SHF: variants seen among roughly 807,000 people sequenced by gnomAD.
SHF encodes SH2 domain-containing adapter protein F.
SHF carries 30 observed loss-of-function variants against 42.4 expected under a neutral mutation model. The ratio of observed to expected loss-of-function variants is 0.71; its 90% CI spans 0.53 to 0.96. SHF has a LOEUF of 0.96. Among genes scored for constraint, SHF ranks in the 40% least tolerant of loss-of-function variants. SHF has a pLI of 0.00. For missense variants in SHF, 598 were observed against 634.0 expected, an observed-to-expected ratio of 0.94 and a Z score of 0.61; for synonymous variants, 264 against 269.9, an observed-to-expected ratio of 0.98 and a Z score of 0.21.
At chr15:45,182,184 G>A (rs1000961627) in intron 1 of SHF, among the ~76,000 whole-genome samples, 10 of 152,168 alleles carry the variant, frequency 6.6e-5, no homozygotes, top group South Asian at 2.1e-4. Flanking sequence ...CCCCCACCAC[G>A]GGGCTCCAGA....
intron 6 of SHF, chr15:45,170,721 G>A (rs1230379660): frequency 3.9e-6 from 1 of 254,810 alleles, no homozygotes; most frequent in South Asian, 3.8e-5. Flanking sequence ...GCGCAATATC[G>A]GCTCACTGCA....
In SHF at chr15:45,168,087, G is replaced by C; in HGVS notation, c.1327C>G (p.His443Asp). 6.2e-7 allele frequency: 1 copy of C among 1,611,236 alleles called. No individual in the cohort carries two copies. Among genetic ancestry groups the C allele is most frequent in the Middle Eastern group, 1.7e-4 (1 of 6,056 alleles). The change falls in exon 7 of 7, where the codon CAC becomes GAC. Residue 443 changes from histidine to aspartate, a missense_variant. By Grantham distance (81) the His-to-Asp change is moderately conservative. Around this residue, in one of 2 missense-constraint regions of SHF, gnomAD observed 439 missense variants for 524.6 expected, o/e 0.84. Coordinates refer to ENST00000690270, the MANE Select transcript of SHF (RefSeq NM_001394037.1). The part of the protein sequence containing the change: ...MHMKLSRTKE[H>D]KYVLGQNSPP... The stretch of plus-strand genomic sequence containing the variant: ...CTGTTCTGGCCCAGCACATATTTGT[G>C]TTCCTTGGTTCGGGACAGCTTCATG...
rs758139993 is a variant in SHF at position 45,178,221 on chromosome 15, T to A, written c.584A>T (p.Lys195Met). The A allele has an allele frequency of 3.7e-6, 6 of 1,613,792 alleles. No homozygotes were observed. In the African/African-American group the frequency reaches 8.0e-5, roughly 22 times the overall value. Residue 195 changes from lysine to methionine, a missense_variant, in exon 2 of 7, where the codon AAG (lysine) becomes ATG (methionine). By Grantham distance (95) the Lys-to-Met change is moderately conservative. Coordinates refer to ENST00000690270, the MANE Select transcript of SHF (RefSeq NM_001394037.1). The stretch of plus-strand genomic sequence containing the variant: ...CATGTAGCCATCATTTTCAGGGACC[T>A]TCTCTGGGGCTCCTGAAGCTCCTGC... Reference protein sequence around the residue: ...GSAGASGAPEKVPENDGYMEP... With the variant: ...GSAGASGAPEMVPENDGYMEP...
At chr15:45,198,824 C>T (rs1898968807) in exon 2 of SHF, 16 of 1,613,988 alleles carry the variant, frequency 9.9e-6, no homozygotes, top group Non-Finnish European at 1.4e-5. Flanking sequence ...GCGCGTTGTA[C>T]TCCGCCAGTT....
intron 1 of SHF, among the ~76,000 whole-genome samples, chr15:45,184,764 C>G (rs1040081303): frequency 6.6e-6 from 1 of 152,262 alleles, no homozygotes; most frequent in Non-Finnish European, 1.5e-5. Flanking sequence ...CAGAGCATGG[C>G]CTGGGGGCCA....
At chr15:45,199,060 T>A in exon 2 of SHF, 1 of 1,592,576 alleles carries the variant, frequency 6.3e-7, no homozygotes, top group Non-Finnish European at 8.6e-7. Context: ...TCACGGGTCC[T>A]CCCTCCTGCT....
Position 45,187,552 on chromosome 15 carries a change from C to A in SHF, c.400G>T (p.Gly134Cys). 8.1e-7 allele frequency: 1 copy of A among 1,228,324 alleles called. No homozygotes were observed. Among genetic ancestry groups the A allele is most frequent in the East Asian group, 3.2e-5 (1 of 31,568 alleles). 76.1% of individuals were successfully genotyped at this position (1,228,324 alleles called of 1,614,324 possible). The change falls in exon 1 of 7, where the codon GGC becomes TGC. Residue 134 changes from glycine (G) to cysteine (C), a missense_variant. Coordinates refer to ENST00000690270, the MANE Select transcript of SHF (RefSeq NM_001394037.1). The stretch of plus-strand genomic sequence containing the variant: ...CGAATAAGGCGGTGTGGGGGAGAGC[C>A]GTGGCGCGGGGGCGGCGTGGGTCCG... ...APGPTPPPRHGSPPHRLIRVE... is the reference protein window; with the variant it reads ...APGPTPPPRHCSPPHRLIRVE...
At chr15:45,174,894 A>G (rs2292468) in intron 3 of SHF, among the ~76,000 whole-genome samples, 72,884 of 151,958 alleles carry the variant, frequency 0.48, 17,897 homozygotes, top group East Asian at 0.75. Flanking sequence ...AACATATGTC[A>G]CGAGTTTCAT....
intron 2 of SHF, among the ~76,000 whole-genome samples, chr15:45,193,110 C>G (rs1230821868): frequency 1.3e-5 from 2 of 152,164 alleles, no homozygotes; most frequent in African/African-American, 4.8e-5. Flanking sequence ...TGTTTTATCC[C>G]CCACATTGAT....
At chr15:45,175,501 A>G in intron 2 of SHF, 76 bp from the exon 3 acceptor site, 1 of 1,459,316 alleles carries the variant, frequency 6.9e-7, no homozygotes, top group Admixed American at 2.1e-5. Flanking sequence ...AATGCTTCTC[A>G]GCAACAAGCC....
upstream of SHF, among the ~76,000 whole-genome samples, chr15:45,188,220 A>C (rs1344916584): frequency 6.6e-6 from 1 of 152,062 alleles, no homozygotes; most frequent in African/African-American, 2.4e-5. Flanking sequence ...TGAATCCTTT[A>C]CGTGTCGCCA....
chr15:45,174,919 A>G (rs1897717265), intron 3 of SHF, among the ~76,000 whole-genome samples: 1 of 152,138 alleles, frequency 6.6e-6, no homozygotes. Flanking sequence ...TTGTTTTGGA[A>G]TTTATTTTTA....
At chr15:45,168,501 C>A (rs1409437093) in intron 6 of SHF, among the ~76,000 whole-genome samples, 5 of 152,196 alleles carry the variant, frequency 3.3e-5, no homozygotes, top group African/African-American at 1.2e-4. Context: ...TTTAACCTCA[C>A]CTTTCTTGAG....
At chr15:45,181,957 A>G (rs752757488) in intron 1 of SHF, among the ~76,000 whole-genome samples, 24 of 152,230 alleles carry the variant, frequency 1.6e-4, no homozygotes, top group Admixed American at 3.3e-4. Context: ...TAAAGTAGCT[A>G]CTACCCAGAG....
At chr15:45,172,436 C>T in intron 4 of SHF, 118 bp from the exon 5 acceptor site, 2 of 1,165,018 alleles carry the variant, frequency 1.7e-6, no homozygotes, top group South Asian at 1.6e-5. Context: ...CAAAGGAATG[C>T]TCTAGGAGGG....
intron 1 of SHF, among the ~76,000 whole-genome samples, chr15:45,180,141 A>C (rs1898051252): frequency 6.6e-6 from 1 of 152,148 alleles, no homozygotes; most frequent in Non-Finnish European, 1.5e-5. Flanking sequence ...TGGACTATTC[A>C]TATCTGGAGC....
chr15:45,168,263 T>A (rs1773736528), intron 6 of SHF, 130 bp from the exon 7 acceptor site: 1 of 893,422 alleles, frequency 1.1e-6, no homozygotes, highest in Non-Finnish European at 1.7e-6. Context: ...GACAGGTGAT[T>A]AGGGGAGGTG....
chr15:45,171,185 ACTC>A (rs1175087783), intron 6 of SHF: 2 of 153,294 alleles, frequency 1.3e-5, no homozygotes, highest in Non-Finnish European at 2.9e-5. Flanking sequence ...ACCAGGCAGA[ACTC>A]CTGGTTGCCC....
In SHF at chr15:45,167,690, G is replaced by A. The variant is rs1897294901; in HGVS notation, c.*257C>T. 6.1e-6 allele frequency: 2 copies of A among 328,378 alleles called. No homozygotes were observed. Among genetic ancestry groups the A allele is most frequent in the Non-Finnish European group, 1.1e-5 (2 of 182,854 alleles). 20.3% of individuals were successfully genotyped at this position (328,378 alleles called of 1,614,324 possible). On this transcript the variant is annotated 3_prime_UTR_variant, in exon 7 of 7. Coordinates refer to ENST00000690270, the MANE Select transcript of SHF (RefSeq NM_001394037.1). ...CAGTCTGAAACTCCCTACCATCCCA[G>A]TAGCTCTGGAACCCCCTTCCTCCAG... is the stretch of plus-strand genomic sequence containing the variant.
Sources: gnomAD v4.1 joint callset for allele counts (sites outside exome capture counted in the v4.1 genomes callset) on GRCh38, gnomAD v4.1.1 for gene constraint, gnomAD v4.1.1 regional missense constraint, MANE v1.5 for transcripts, NCBI Gene and HGNC (gene_info 2026-07-23, HGNC 2026-07-21) for gene names.